Variants in CNTNAP5 observed in about 807,000 individuals in gnomAD.
CNTNAP5 encodes contactin associated protein family member 5.
CNTNAP5 carries 72 observed loss-of-function variants against 150.2 expected under a neutral mutation model. The observed-to-expected ratio is 0.48, with a 90% CI of 0.40 to 0.58. The LOEUF is 0.58. Among genes scored for constraint, CNTNAP5 ranks in the 20% least tolerant of loss-of-function variants. The pLI, the probability that CNTNAP5 is intolerant of heterozygous loss-of-function variation, is 0.00. For synonymous variants in CNTNAP5, 672 were observed against 619.8 expected (o/e 1.08, Z -1.25); for missense variants, 1,636 against 1,626.2 (o/e 1.01, Z -0.10).
chr2:124,361,746 T>C (rs992706129), intron 3 of CNTNAP5, among the ~76,000 whole-genome samples: 3 of 151,716 alleles, frequency 2.0e-5, no homozygotes, highest in African/African-American at 7.3e-5. Flanking sequence ...TCTGCAGAGG[T>C]TACTACTGTC....
At chr2:124,400,669 G>GTATTTT (rs1691388159) in intron 3 of CNTNAP5, among the ~76,000 whole-genome samples, 1 of 84,498 alleles carries the variant, frequency 1.2e-5, no homozygotes, top group African/African-American at 3.8e-5. Context: ...TAAAGGCATT[G>GTATTTT]TTTTTTTTTT....
intron 3 of CNTNAP5, among the ~76,000 whole-genome samples, chr2:124,299,419 A>G (rs913633114): frequency 5.9e-5 from 9 of 152,140 alleles, no homozygotes; most frequent in African/African-American, 2.2e-4. Flanking sequence ...GCTCCCTCTT[A>G]TAAGTGAGAA....
At chr2:124,847,422 C>A (rs1301015366) in intron 19 of CNTNAP5, among the ~76,000 whole-genome samples, 1 of 152,194 alleles carries the variant, frequency 6.6e-6, no homozygotes, top group East Asian at 1.9e-4. Context: ...CCTCACCCCA[C>A]TCCCATGTAG....
chr2:124,606,046 T>G (rs1171019226), intron 11 of CNTNAP5, among the ~76,000 whole-genome samples: 1 of 152,086 alleles, frequency 6.6e-6, no homozygotes, highest in Non-Finnish European at 1.5e-5. Flanking sequence ...TTTAGATAGT[T>G]GTTAGTAAAT....
chr2:124,510,251 CTATATCTA>C (rs1207232867), intron 8 of CNTNAP5, among the ~76,000 whole-genome samples: 3 of 125,684 alleles, frequency 2.4e-5, no homozygotes, highest in African/African-American at 3.3e-5. Flanking sequence ...ATATCTATAT[CTATATCTA>C]TATATCTATA....
At chr2:124,300,765 G>T (rs1003794363) in intron 3 of CNTNAP5, among the ~76,000 whole-genome samples, 10 of 152,152 alleles carry the variant, frequency 6.6e-5, no homozygotes, top group African/African-American at 1.7e-4. Context: ...GAACAGGTTT[G>T]GCCTGAGGGA....
intron 21 of CNTNAP5, among the ~76,000 whole-genome samples, chr2:124,879,693 A>G (rs1677928993): frequency 6.6e-6 from 1 of 152,070 alleles, no homozygotes; most frequent in African/African-American, 2.4e-5. Context: ...TCTGGCGCTT[A>G]GTGGTATTTG....
intron 1 of CNTNAP5, among the ~76,000 whole-genome samples, chr2:124,175,242 T>G (rs2104670551): frequency 6.6e-6 from 1 of 152,364 alleles, no homozygotes; most frequent in African/African-American, 2.4e-5. Context: ...CATATGTATG[T>G]ATAGAAGCTT....
intron 1 of CNTNAP5, among the ~76,000 whole-genome samples, chr2:124,059,852 G>T (rs945374222): frequency 2.0e-5 from 3 of 152,070 alleles, no homozygotes; most frequent in Admixed American, 2.0e-4. Context: ...TGTATGCTCA[G>T]TATATAAAAA....
chr2:124,920,450 T>C lies in CNTNAP5; in HGVS notation c.*6162T>C, dbSNP rs1427702305. On this transcript the variant is annotated 3_prime_UTR_variant, in exon 24 of 24. Coordinates refer to ENST00000682447, the MANE Select transcript of CNTNAP5 (RefSeq NM_001367498.1). ...CACCTAGTCTATTCTCTTTGAAAGG[T>C]AGTATCAACCTGTGTAACCTTGTCC... 6.6e-5 allele frequency among the ~76,000 whole-genome samples: 10 copies of C among 152,242 alleles called. No homozygotes were observed. The East Asian group carries it at 1.9e-3, about 29-fold the overall frequency.
chr2:124,642,378 G>A (rs1274395144), intron 12 of CNTNAP5, among the ~76,000 whole-genome samples: 1 of 152,120 alleles, frequency 6.6e-6, no homozygotes, highest in Non-Finnish European at 1.5e-5. Context: ...AGGCTTAAAA[G>A]AGCAGCTTCA....
intron 1 of CNTNAP5, among the ~76,000 whole-genome samples, chr2:124,058,700 C>T (rs1026990924): frequency 5.9e-5 from 9 of 152,132 alleles, no homozygotes; most frequent in African/African-American, 2.2e-4. Context: ...ATTAGGTGCT[C>T]AAATTTTATT....
At chr2:124,818,219 G>A (rs1340481806) in intron 19 of CNTNAP5, among the ~76,000 whole-genome samples, 1 of 152,136 alleles carries the variant, frequency 6.6e-6, no homozygotes, top group African/African-American at 2.4e-5. Context: ...AGCCTCACTT[G>A]TCCCTCAGCT....
intron 2 of CNTNAP5, among the ~76,000 whole-genome samples, chr2:124,223,719 G>A (rs1558808244): frequency 1.3e-5 from 2 of 151,894 alleles, no homozygotes; most frequent in Non-Finnish European, 2.9e-5. Flanking sequence ...GTGAGGACAA[G>A]TGTCTTTGCT....
chr2:124,797,280 T>C (rs930135796), intron 18 of CNTNAP5, among the ~76,000 whole-genome samples: 3 of 152,198 alleles, frequency 2.0e-5, no homozygotes, highest in African/African-American at 7.2e-5. Flanking sequence ...TGGTAACAGT[T>C]GGTGTGCTAG....
At chr2:124,456,052 A>G (rs189300678) in intron 6 of CNTNAP5, among the ~76,000 whole-genome samples, 3 of 152,326 alleles carry the variant, frequency 2.0e-5, no homozygotes, top group African/African-American at 7.2e-5. Flanking sequence ...ATAGCACTGG[A>G]AGTCCTAGCC....
chr2:124,765,831 C>CT (rs1681056693), intron 16 of CNTNAP5, among the ~76,000 whole-genome samples: 1 of 151,944 alleles, frequency 6.6e-6, no homozygotes, highest in Non-Finnish European at 1.5e-5. Flanking sequence ...TGCCAGGTGC[C>CT]TGTAATCCCA....
At chr2:124,719,653 A>G (rs919793107) in intron 13 of CNTNAP5, among the ~76,000 whole-genome samples, 1 of 152,176 alleles carries the variant, frequency 6.6e-6, no homozygotes, top group Non-Finnish European at 1.5e-5. Context: ...TCCTGTGACT[A>G]TTTTATACTT....
intron 4 of CNTNAP5, among the ~76,000 whole-genome samples, chr2:124,432,562 G>A (rs1052842827): frequency 6.6e-6 from 1 of 152,142 alleles, no homozygotes; most frequent in African/African-American, 2.4e-5. Context: ...ACACTATGTG[G>A]TCCTTCCACT....
Sources: gnomAD v4.1 joint callset for allele counts (sites outside exome capture counted in the v4.1 genomes callset) on GRCh38, gnomAD v4.1.1 for gene constraint, MANE v1.5 for transcripts, NCBI Gene and HGNC (gene_info 2026-07-23, HGNC 2026-07-21) for gene names.